B3GAT1: variants seen among roughly 807,000 people sequenced by gnomAD.
The protein encoded by B3GAT1 is beta-1,3-glucuronyltransferase 1, also known as galactosylgalactosylxylosylprotein 3-beta-glucuronosyltransferase 1.
Under a neutral mutation model 28.4 loss-of-function variants are expected in B3GAT1, and 11 were observed. That is an observed-to-expected ratio of 0.39 (90% CI 0.24 to 0.64). The LOEUF (loss-of-function observed/expected upper bound fraction) is 0.64. B3GAT1 is among the 30% of genes least tolerant of loss of function. The pLI is 0.50. For synonymous variants in B3GAT1, 255 were observed against 223.1 expected (o/e 1.14, Z -1.27); for missense variants, 375 against 491.0 (o/e 0.76, Z 2.23).
intron 1 of B3GAT1, among the ~76,000 whole-genome samples, chr11:134,398,615 G>A (rs78920133): frequency 0.04 from 6,093 of 151,056 alleles, 423 homozygotes; most frequent in African/African-American, 0.14. Context: ...AGTGTCCCAG[G>A]TCCAGATAGA....
In B3GAT1 at chr11:134,412,241, C is replaced by T. The variant is rs1400474959; in HGVS notation, c.-716G>A. 1.4e-5 allele frequency among the ~76,000 whole-genome samples: 2 copies of T among 145,324 alleles called. No individual in the cohort carries two copies. Among genetic ancestry groups the T allele is most frequent in the Non-Finnish European group, 3.1e-5 (2 of 65,448 alleles). On this transcript the variant is annotated 5_prime_UTR_variant, in exon 1 of 6. Transcript: ENST00000312527. ...CGGATGCGCCGGTGCCGCCGCGGCT[C>T]TGCCGGCGCCTCCCGCCCCGCCCCC...
intron 1 of B3GAT1, among the ~76,000 whole-genome samples, chr11:134,399,319 C>A (rs1300325448): frequency 6.6e-6 from 1 of 152,206 alleles, no homozygotes; most frequent in East Asian, 1.9e-4. Flanking sequence ...AACACACCAA[C>A]CAACCTGCTC....
intron 1 of B3GAT1, among the ~76,000 whole-genome samples, chr11:134,404,652 C>T (rs1213210728): frequency 3.3e-5 from 5 of 152,120 alleles, no homozygotes; most frequent in Non-Finnish European, 7.3e-5. Flanking sequence ...TGCGGGAGGC[C>T]CCCCTCCAAG....
intron 5 of B3GAT1, among the ~76,000 whole-genome samples, chr11:134,381,346 CT>C (rs1201075424): frequency 2.0e-5 from 3 of 152,244 alleles, no homozygotes; most frequent in African/African-American, 7.2e-5. Context: ...GTGCCATGAA[CT>C]GTTCTAGGTG....
At chr11:134,392,120 A>G (rs560700272) in intron 1 of B3GAT1, 1 of 152,360 alleles carries the variant, frequency 6.6e-6, no homozygotes, top group African/African-American at 2.4e-5. Context: ...GGGATGTCCT[A>G]TGTGAGGAAA....
Position 134,381,958 on chromosome 11 carries a change from C to G in B3GAT1, c.985G>C (p.Asp329His). The G allele has an allele frequency of 6.2e-7, 1 of 1,614,114 alleles. No individual in the cohort carries two copies. The highest frequency in any genetic ancestry group is 1.3e-5 in the African/African-American group (1 of 75,054). Reference sequence around the variant, plus strand: ...GAGGCTCAGATCTCCACCGAGGGGTCAGTGAAGCCCTTCTTGCCCTCATTC... The same window carrying G: ...GAGGCTCAGATCTCCACCGAGGGGTGAGTGAAGCCCTTCTTGCCCTCATTC... The part of the protein sequence containing the change: ...LVNEGKKGFT[D>H]PSVEI The change falls in exon 5 of 6, where the codon GAC (aspartate) becomes CAC (histidine). Residue 329 changes from aspartate to histidine, a missense_variant. Coordinates refer to ENST00000312527, the MANE Select transcript of B3GAT1 (RefSeq NM_054025.3).
chr11:134,394,722 GA>G (rs1285891102), intron 1 of B3GAT1, among the ~76,000 whole-genome samples: 2 of 152,232 alleles, frequency 1.3e-5, no homozygotes, highest in African/African-American at 4.8e-5. Context: ...AGGGCAGCGT[GA>G]ATTCCAGAGC....
At chr11:134,405,401 T>A (rs574296732) in intron 1 of B3GAT1, among the ~76,000 whole-genome samples, 2 of 152,316 alleles carry the variant, frequency 1.3e-5, no homozygotes, top group Admixed American at 1.3e-4. Context: ...GGTGAGGTCC[T>A]GTGGTCAGGG....
At position 134,407,558 on chromosome 11, in the gene B3GAT1, C is replaced by T. The variant is rs113977598; in HGVS notation, c.-282+4249G>A. 5.6e-3 allele frequency among the ~76,000 whole-genome samples: 846 copies of T among 152,350 alleles called. 7 individuals carry two copies. Among genetic ancestry groups the T allele is most frequent in the African/African-American group, 0.019 (805 of 41,576 alleles). ...CCTCAAATCCAGTCAACTCTTGATC[C>T]AGACTCATACTCTCCACTTTTGCGC... On this transcript the variant is annotated intron_variant, in intron 1 of 5. Transcript: ENST00000312527.
chr11:134,385,962 A>G (rs1189461137), intron 2 of B3GAT1: 1 of 152,288 alleles, frequency 6.6e-6, no homozygotes, highest in African/African-American at 2.4e-5. Flanking sequence ...GAGCTCTGCC[A>G]AGAACGCAAT....
At chr11:134,391,453 C>G (rs1944410354) in intron 1 of B3GAT1, 1 of 152,356 alleles carries the variant, frequency 6.6e-6, no homozygotes, top group Non-Finnish European at 1.5e-5. Flanking sequence ...CTCTCGCAGC[C>G]TGCTGCTTCT....
At chr11:134,409,952 G>A (rs773263617) in intron 1 of B3GAT1, 2 of 152,844 alleles carry the variant, frequency 1.3e-5, no homozygotes, top group Middle Eastern at 3.4e-3. Context: ...CCTTTCGGTT[G>A]GTGCATCCTC....
At chr11:134,400,722 T>C (rs978619298) in intron 1 of B3GAT1, among the ~76,000 whole-genome samples, 1 of 152,184 alleles carries the variant, frequency 6.6e-6, no homozygotes, top group African/African-American at 2.4e-5. Flanking sequence ...TTCTTATGGC[T>C]AAGTCCTCAA....
At chr11:134,395,335 C>T (rs573450405) in intron 1 of B3GAT1, among the ~76,000 whole-genome samples, 38 of 152,280 alleles carry the variant, frequency 2.5e-4, no homozygotes, top group African/African-American at 5.5e-4. Context: ...GATTGTGGGA[C>T]GCTGGACAAT....
chr11:134,391,662 G>C (rs1944413690), intron 1 of B3GAT1: 1 of 153,358 alleles, frequency 6.5e-6, no homozygotes, highest in Non-Finnish European at 1.5e-5. Context: ...GGAGATGGGT[G>C]GAGGCACAAG....
At chr11:134,407,823 G>A (rs979933144) in intron 1 of B3GAT1, among the ~76,000 whole-genome samples, 1 of 151,924 alleles carries the variant, frequency 6.6e-6, no homozygotes, top group Non-Finnish European at 1.5e-5. Context: ...GATGTTTCAC[G>A]TTCCCAGCAC....
Position 134,383,832 on chromosome 11 carries a change from C to T in B3GAT1, c.469G>A (p.Asp157Asn). 6 of 1,594,544 alleles carry T rather than the reference C, an allele frequency of 3.8e-6. No homozygotes were observed. Among genetic ancestry groups the T allele is most frequent in the Non-Finnish European group, 5.1e-6 (6 of 1,172,758 alleles). ...ETPRNYKLRG[D>N]ARDPRIPRGT... ...CGCGGGATGCGTGGGTCGCGGGCGT[C>T]TCCGCGCAGCTTGTAGTTGCGGGGC... is the stretch of plus-strand genomic sequence containing the variant. The change falls in exon 3 of 6, where the codon GAC (aspartate) becomes AAC (asparagine). Residue 157 changes from aspartate to asparagine, a missense_variant. Transcript: ENST00000312527.
chr11:134,397,893 G>A (rs1338395300), intron 1 of B3GAT1, among the ~76,000 whole-genome samples: 1 of 152,146 alleles, frequency 6.6e-6, no homozygotes, highest in African/African-American at 2.4e-5. Context: ...GGAACAGCAA[G>A]CATGGGTTTG....
intron 1 of B3GAT1, among the ~76,000 whole-genome samples, chr11:134,407,977 T>C (rs1017567880): frequency 1.3e-5 from 2 of 152,094 alleles, no homozygotes; most frequent in Non-Finnish European, 2.9e-5. Flanking sequence ...TCAAGATTTT[T>C]TTTTTTAGAC....
Sources: allele counts gnomAD v4.1 joint callset (sites outside exome capture counted in the v4.1 genomes callset), GRCh38; gene constraint gnomAD v4.1.1; transcripts MANE v1.5; gene names NCBI Gene and HGNC (gene_info 2026-07-23, HGNC 2026-07-21).